Variants in ARHGAP21 observed in about 807,000 individuals in gnomAD.
ARHGAP21 encodes rho GTPase-activating protein 21.
A neutral mutation model predicts 164.6 loss-of-function variants in ARHGAP21; 38 were observed. The ratio of observed to expected loss-of-function variants is 0.23; its 90% confidence interval spans 0.18 to 0.30. The LOEUF (loss-of-function observed/expected upper bound fraction) is 0.30. ARHGAP21 is among the 10% of genes least tolerant of loss of function. The probability of loss-of-function intolerance (pLI) is 1.00; values close to 1 mark genes in which losing one functional copy is unlikely to be tolerated. For synonymous variants in ARHGAP21, 766 were observed against 857.9 expected (o/e 0.89, Z 1.87); for missense variants, 1,822 against 2,370.7 (o/e 0.77, Z 4.81).
chr10:24,694,741 C>CT (rs1254911784), intron 2 of ARHGAP21, among the ~76,000 whole-genome samples: 1 of 151,984 alleles, frequency 6.6e-6, no homozygotes, highest in African/African-American at 2.4e-5. Context: ...ATGCTGAATC[C>CT]TTTAAGTCCT....
Position 24,596,873 on chromosome 10 carries a change from C to A in ARHGAP21, c.3344G>T (p.Ser1115Ile), listed in dbSNP as rs1231535944. The change falls in exon 17 of 26, where the codon AGT becomes ATT. Residue 1115 changes from serine (S) to isoleucine (I), a missense_variant. Physicochemically the swap from Ser to Ile is moderately radical, Grantham distance 142. Around this residue, in one of 5 missense-constraint regions of ARHGAP21, gnomAD observed 1,090 missense variants for 1,378.9 expected, o/e 0.79. Transcript: ENST00000396432. ...CCATGTGCCTTTGTCTTTTGGGGGA[C>A]TGGTATCATCTTTTGATTGCCAGTC... ...ERKLLSKDDT[S>I]PPKDKGTWRK... The A allele has an allele frequency of 1.3e-6, 2 of 1,598,194 alleles. No homozygotes were observed. The highest frequency in any genetic ancestry group is 1.7e-6 in the Non-Finnish European group (2 of 1,176,126).
chr10:24,667,068 C>A, intron 3 of ARHGAP21, 59 bp from the exon 4 acceptor site: 1 of 925,310 alleles, frequency 1.1e-6, no homozygotes, highest in South Asian at 1.7e-5. Context: ...TCTTGTTAAT[C>A]ACAGCAAGGC....
At chr10:24,655,225 C>A (rs1424205418) in intron 4 of ARHGAP21, among the ~76,000 whole-genome samples, 1 of 152,194 alleles carries the variant, frequency 6.6e-6, no homozygotes, top group Non-Finnish European at 1.5e-5. Context: ...GACTTCGTGT[C>A]TAAAACACCA....
At chr10:24,670,883 A>G (rs1840634578) in intron 2 of ARHGAP21, among the ~76,000 whole-genome samples, 1 of 152,200 alleles carries the variant, frequency 6.6e-6, no homozygotes, top group Non-Finnish European at 1.5e-5. Flanking sequence ...CAATATCCAC[A>G]TAGATAACCC....
intron 2 of ARHGAP21, among the ~76,000 whole-genome samples, chr10:24,677,870 T>C (rs565364679): frequency 6.6e-6 from 1 of 152,244 alleles, no homozygotes; most frequent in African/African-American, 2.4e-5. Flanking sequence ...TTCCACAGAG[T>C]AGATACACGG....
intron 4 of ARHGAP21, among the ~76,000 whole-genome samples, chr10:24,647,068 T>C (rs570117790): frequency 1.9e-3 from 291 of 152,332 alleles, no homozygotes; most frequent in Non-Finnish European, 3.0e-3. Context: ...ATCCTAAATT[T>C]CATGTTAAGT....
At chr10:24,635,148 T>C (rs758091788) in intron 4 of ARHGAP21, 45 bp from the exon 5 acceptor site, 4 of 1,225,136 alleles carry the variant, frequency 3.3e-6, no homozygotes, top group Non-Finnish European at 4.6e-6. Context: ...CACAATACTT[T>C]ACTAAAATAC....
chr10:24,660,683 T>C (rs1321744030), intron 4 of ARHGAP21, among the ~76,000 whole-genome samples: 3 of 152,228 alleles, frequency 2.0e-5, no homozygotes, highest in African/African-American at 7.2e-5. Flanking sequence ...TGATATTATA[T>C]CTGATTTTTT....
At chr10:24,609,432 G>A (rs775174945) in intron 9 of ARHGAP21, among the ~76,000 whole-genome samples, 1 of 152,146 alleles carries the variant, frequency 6.6e-6, no homozygotes, top group African/African-American at 2.4e-5. Flanking sequence ...ATACTCACCT[G>A]TTCTAAAGGA....
intron 4 of ARHGAP21, among the ~76,000 whole-genome samples, 182 bp downstream of exon 4, chr10:24,666,803 A>G (rs1840239662): frequency 6.6e-6 from 1 of 152,188 alleles, no homozygotes; most frequent in African/African-American, 2.4e-5. Flanking sequence ...AAGATGAGAC[A>G]ATGGAATTCA....
At chr10:24,608,366 G>GT (rs1554968320) in intron 9 of ARHGAP21, among the ~76,000 whole-genome samples, 1 of 152,104 alleles carries the variant, frequency 6.6e-6, no homozygotes, top group East Asian at 1.9e-4. Flanking sequence ...CTACACAAGT[G>GT]TATCTCAATT....
In ARHGAP21 at chr10:24,595,947, T is replaced by C. The variant is rs751588260; in HGVS notation, c.3574A>G (p.Ile1192Val). The change falls in exon 18 of 26, where the codon ATC (isoleucine) becomes GTC (valine). Residue 1192 changes from isoleucine (I) to valine (V), a missense_variant. This residue lies in a region of ARHGAP21 where 117 missense variants were observed against 238.1 expected (regional missense o/e 0.49). Transcript: ENST00000396432. Reference protein sequence around the residue: ...IYRVPGNNAAISSMQEELNKG... With the variant: ...IYRVPGNNAAVSSMQEELNKG... ...TTGAGTTCTTCTTGCATACTTGAGA[T>C]GGCTGCATTATTTCCAGGAACTCTA... The C allele has an allele frequency of 2.5e-6, 4 of 1,613,650 alleles. No homozygotes were observed. Among genetic ancestry groups the C allele is most frequent in the Non-Finnish European group, 3.4e-6 (4 of 1,179,762 alleles).
chr10:24,680,086 C>T (rs7079878), intron 2 of ARHGAP21, among the ~76,000 whole-genome samples: 81,215 of 151,904 alleles, frequency 0.53, 21,855 homozygotes, highest in African/African-American at 0.58. Flanking sequence ...GTGAACCCTT[C>T]ACACATGATG....
chr10:24,673,843 A>C (rs1283066781), intron 2 of ARHGAP21, among the ~76,000 whole-genome samples: 1 of 152,096 alleles, frequency 6.6e-6, no homozygotes, highest in Non-Finnish European at 1.5e-5. Context: ...GCCTGGGTGC[A>C]GAGTGAGACT....
chr10:24,656,632 C>T (rs1332799073), intron 4 of ARHGAP21, among the ~76,000 whole-genome samples: 18 of 90,580 alleles, frequency 2.0e-4, no homozygotes, highest in Admixed American at 6.7e-4. Flanking sequence ...TCTGCCCGGC[C>T]GCCCCTACTG....
intron 4 of ARHGAP21, among the ~76,000 whole-genome samples, chr10:24,662,817 TTAAC>T (rs1839840232): frequency 6.6e-6 from 1 of 152,222 alleles, no homozygotes; most frequent in Non-Finnish European, 1.5e-5. Flanking sequence ...TATTAGTCTT[TTAAC>T]TAACTTATTG....
intron 2 of ARHGAP21, among the ~76,000 whole-genome samples, chr10:24,693,507 C>T (rs764453260): frequency 1.8e-4 from 27 of 152,192 alleles, no homozygotes; most frequent in Admixed American, 3.9e-4. Context: ...CTCGCCACCA[C>T]GCCCGGCTAA....
At position 24,628,771 on chromosome 10, in the gene ARHGAP21, GCA is replaced by G. The variant is rs1565052392; in HGVS notation, c.495+1223_495+1224del. Reference sequence around the variant, plus strand: ...ATGAAATATGTGTGTGTGTGTGTGTGCATATATATATACACACATATATACAC... The same window carrying G: ...ATGAAATATGTGTGTGTGTGTGTGTGTATATATATACACACATATATACAC... On this transcript the variant is annotated intron_variant, in intron 7 of 25. Coordinates refer to ENST00000396432, the MANE Select transcript of ARHGAP21 (RefSeq NM_020824.4). Among the ~76,000 whole-genome samples the G allele has an allele frequency of 7.3e-5, 7 of 95,762 alleles. No homozygotes were observed. In the East Asian group the frequency reaches 1.6e-3, roughly 22 times the overall value. The allele number at this position is 95,762 out of a possible 152,430, so 62.8% of individuals were successfully genotyped here. A position where few individuals can be genotyped will look rare whatever the true frequency, so the allele number is the denominator to read the frequency against.
intron 4 of ARHGAP21, chr10:24,648,699 G>T: frequency 1.6e-6 from 1 of 641,078 alleles, no homozygotes; most frequent in Non-Finnish European, 1.9e-6. Flanking sequence ...AGAATTGCTT[G>T]AACCCAGAGG....
Sources: allele counts gnomAD v4.1 joint callset (sites outside exome capture counted in the v4.1 genomes callset), GRCh38; gene constraint gnomAD v4.1.1; regional missense constraint gnomAD v4.1.1; transcripts MANE v1.5; gene names NCBI Gene and HGNC (gene_info 2026-07-23, HGNC 2026-07-21).